SPAG16: variants seen among roughly 807,000 people sequenced by gnomAD.
The protein encoded by SPAG16 is sperm-associated antigen 16 protein.
A neutral mutation model predicts 80.4 loss-of-function variants in SPAG16; 86 were observed. The ratio of observed to expected loss-of-function variants is 1.07; its 90% CI spans 0.90 to 1.28. The LOEUF (loss-of-function observed/expected upper bound fraction) is 1.28. Among genes scored for constraint, SPAG16 ranks in the 50% most tolerant of loss-of-function variants. The probability of loss-of-function intolerance (pLI) is 0.00; values close to 1 mark genes in which losing one functional copy is unlikely to be tolerated. For synonymous variants in SPAG16, 294 were observed against 265.9 expected (o/e 1.11, Z -1.03); for missense variants, 870 against 765.3 (o/e 1.14, Z -1.61).
chr2:214,252,619 A>G (rs1690377022), intron 15 of SPAG16, among the ~76,000 whole-genome samples: 1 of 152,206 alleles, frequency 6.6e-6, no homozygotes, highest in African/African-American at 2.4e-5. Context: ...TGCAAAGAAC[A>G]TGAACTCATC....
chr2:214,239,268 A>G (rs896089783), intron 15 of SPAG16: 1 of 152,144 alleles, frequency 6.6e-6, no homozygotes, highest in Non-Finnish European at 1.5e-5. Context: ...TCCTGTCCTC[A>G]AGCAATCCTC....
At chr2:214,164,358 AGATTACT>A in intron 15 of SPAG16, among the ~76,000 whole-genome samples, 1 of 152,180 alleles carries the variant, frequency 6.6e-6, no homozygotes, top group Admixed American at 6.6e-5. Flanking sequence ...GGATGTTCTG[AGATTACT>A]TCTCTATGAA....
intron 10 of SPAG16, among the ~76,000 whole-genome samples, chr2:213,606,601 G>A (rs748859458): frequency 6.6e-6 from 1 of 152,170 alleles, no homozygotes; most frequent in Admixed American, 6.5e-5. Flanking sequence ...ACTTGGTGCA[G>A]TTACCAAATA....
intron 13 of SPAG16, among the ~76,000 whole-genome samples, chr2:214,026,853 A>T (rs1228116518): frequency 6.6e-6 from 1 of 151,554 alleles, no homozygotes; most frequent in Non-Finnish European, 1.5e-5. Context: ...AAAATCCTTT[A>T]TTTAAAAAGG....
In SPAG16 at chr2:213,610,381, T is replaced by C. The variant is rs111838164; in HGVS notation, c.1070+120291T>C. Among the ~76,000 whole-genome samples the C allele has an allele frequency of 1.5e-3, 224 of 152,286 alleles. 3 individuals carry two copies. Among genetic ancestry groups the C allele is most frequent in the African/African-American group, 4.3e-3 (180 of 41,566 alleles). On this transcript the variant is annotated intron_variant, in intron 10 of 15. Coordinates refer to ENST00000331683, the MANE Select transcript of SPAG16 (RefSeq NM_024532.5). ...AGATTGACTGAAAGTTTAACACTTT[T>C]GAAAATCTGAAAGAAACACTTACCA... is the stretch of plus-strand genomic sequence containing the variant.
At chr2:214,350,419 C>A (rs767400067) in intron 15 of SPAG16, among the ~76,000 whole-genome samples, 8 of 152,140 alleles carry the variant, frequency 5.3e-5, no homozygotes, top group Non-Finnish European at 1.0e-4. Flanking sequence ...TTGCATTTTT[C>A]AGTTCTAGAA....
intron 10 of SPAG16, among the ~76,000 whole-genome samples, chr2:213,720,160 G>A (rs1281368833): frequency 6.6e-6 from 1 of 152,086 alleles, no homozygotes; most frequent in Non-Finnish European, 1.5e-5. Context: ...CACACGGAGG[G>A]GAACATCACA....
chr2:214,055,413 A>G (rs994360828), intron 13 of SPAG16, among the ~76,000 whole-genome samples: 1 of 152,180 alleles, frequency 6.6e-6, no homozygotes, highest in Non-Finnish European at 1.5e-5. Flanking sequence ...AGCAAACAAT[A>G]ATGATTTTTA....
intron 10 of SPAG16, among the ~76,000 whole-genome samples, chr2:213,831,246 G>A (rs184308125): frequency 6.6e-6 from 1 of 151,520 alleles, no homozygotes; most frequent in Non-Finnish European, 1.5e-5. Context: ...CACCATCTTG[G>A]CCAGGCTGGT....
chr2:214,187,147 G>A (rs908148971), intron 15 of SPAG16, among the ~76,000 whole-genome samples: 24 of 151,974 alleles, frequency 1.6e-4, no homozygotes, highest in Non-Finnish European at 1.6e-4. Flanking sequence ...CTATATGGGC[G>A]TACTCTCATT....
chr2:214,067,212 T>G (rs2050572338), intron 13 of SPAG16, among the ~76,000 whole-genome samples: 1 of 152,204 alleles, frequency 6.6e-6, no homozygotes, highest in African/African-American at 2.4e-5. Flanking sequence ...ACTTTCATTG[T>G]TCCAGAGCCA....
At chr2:214,116,239 C>A (rs1158508746) in intron 14 of SPAG16, among the ~76,000 whole-genome samples, 2 of 152,232 alleles carry the variant, frequency 1.3e-5, no homozygotes, top group Non-Finnish European at 2.9e-5. Flanking sequence ...GGTCTTCACA[C>A]TGAAACTGAA....
chr2:213,577,976 C>T (rs1232253420), intron 10 of SPAG16, among the ~76,000 whole-genome samples: 2 of 151,984 alleles, frequency 1.3e-5, no homozygotes, highest in Non-Finnish European at 2.9e-5. Context: ...TCGATTTTTG[C>T]TCTGCAATAA....
Position 213,986,964 on chromosome 2 carries a change from A to T in SPAG16, c.1401-26987A>T, listed in dbSNP as rs2046045669. ...GTTTTTAAAATAAAGTTTATATTTT[A>T]TGTTAAAAGAGGGAAAAAACAAAAT... On this transcript the variant is annotated intron_variant, in intron 12 of 15. Coordinates refer to ENST00000331683, the MANE Select transcript of SPAG16 (RefSeq NM_024532.5). Among the ~76,000 whole-genome samples the T allele has an allele frequency of 2.7e-5, 4 of 146,286 alleles. No individual in the cohort carries two copies. The South Asian group carries it at 8.8e-4, about 32-fold the overall frequency.
At chr2:214,069,769 G>T (rs1226639462) in intron 13 of SPAG16, among the ~76,000 whole-genome samples, 3 of 151,494 alleles carry the variant, frequency 2.0e-5, no homozygotes, top group Admixed American at 6.6e-5. Context: ...ATATACTGAA[G>T]AACCTAAATT....
intron 15 of SPAG16, among the ~76,000 whole-genome samples, chr2:214,319,200 C>CACA: frequency 7.0e-6 from 1 of 142,340 alleles, no homozygotes; most frequent in Non-Finnish European, 1.5e-5. Context: ...CACACACACA[C>CACA]CACACACACA....
At chr2:213,510,174 G>A (rs1285403381) in intron 10 of SPAG16, among the ~76,000 whole-genome samples, 1 of 152,042 alleles carries the variant, frequency 6.6e-6, no homozygotes, top group East Asian at 1.9e-4. Context: ...TGAAATCCTA[G>A]TTATTTTCAT....
rs950234637 is a variant in SPAG16 at position 213,408,135 on chromosome 2, C to A, written c.942+33016C>A. 7.9e-5 allele frequency among the ~76,000 whole-genome samples: 11 copies of A among 138,584 alleles called. 1 individual carries two copies. Among genetic ancestry groups the A allele is most frequent in the South Asian group, 2.2e-4 (1 of 4,576 alleles). 90.9% of individuals were successfully genotyped at this position (138,584 alleles called of 152,430 possible). The stretch of plus-strand genomic sequence containing the variant: ...AAACAAAGAAAAAAAAACAAAAAAA[C>A]CAGTGTACCCTATTCCTTTAAAAGC... On this transcript the variant is annotated intron_variant, in intron 9 of 15. Transcript: ENST00000331683.
intron 12 of SPAG16, among the ~76,000 whole-genome samples, chr2:213,949,418 C>T (rs374490109): frequency 2.0e-5 from 3 of 152,024 alleles, no homozygotes; most frequent in Non-Finnish European, 4.4e-5. Context: ...CTACCCGCCT[C>T]GGCCTCCCAA....
Sources: allele counts gnomAD v4.1 joint callset (sites outside exome capture counted in the v4.1 genomes callset), GRCh38; gene constraint gnomAD v4.1.1; transcripts MANE v1.5; gene names NCBI Gene and HGNC (gene_info 2026-07-23, HGNC 2026-07-21).